Variants in CACNA1B observed in about 807,000 individuals in gnomAD.
The protein encoded by CACNA1B is calcium voltage-gated channel subunit alpha1 B.
CACNA1B carries 70 observed loss-of-function variants against 247.2 expected under a neutral mutation model. The ratio of observed to expected loss-of-function variants is 0.28; its 90% CI spans 0.23 to 0.35. The LOEUF is 0.35. CACNA1B is among the 10% of genes least tolerant of loss of function. The pLI, the probability that CACNA1B is intolerant of heterozygous loss-of-function variation, is 1.00. For missense variants in CACNA1B, 2,367 were observed against 3,197.4 expected (o/e 0.74, Z 6.26); for synonymous variants, 1,231 against 1,294.4 (o/e 0.95, Z 1.05).
At chr9:137,937,293 C>T (rs1305353811) in intron 6 of CACNA1B, among the ~76,000 whole-genome samples, 2 of 151,906 alleles carry the variant, frequency 1.3e-5, no homozygotes, top group Non-Finnish European at 1.5e-5. Flanking sequence ...GTAAAATGCT[C>T]TGGAAAGTCT....
At chr9:138,064,025 G>C (rs1047698236) in intron 31 of CACNA1B, among the ~76,000 whole-genome samples, 3 of 152,310 alleles carry the variant, frequency 2.0e-5, no homozygotes, top group African/African-American at 7.2e-5. Context: ...AGCTGTGCCT[G>C]GGCACACGAG....
At position 138,073,858 on chromosome 9, in the gene CACNA1B, TTGG is replaced by T; in HGVS notation, c.4792-139_4792-137del. On this transcript the variant is annotated intron_variant, in intron 33 of 46. Transcript: ENST00000371372. This position sits in a 1 kb window ranked among gnomAD's most constrained non-coding sequence, Gnocchi z 6.4. ...AGAGATAAAGAAACTGGGGCATCAC[TTGG>T]TGGAGGGGCTTGGTGGCCAGTGGGA... 1 of 697,216 alleles carries T rather than the reference TTGG, an allele frequency of 1.4e-6. No individual in the cohort carries two copies. Among genetic ancestry groups the T allele is most frequent in the Non-Finnish European group, 2.5e-6 (1 of 395,752 alleles). The allele number at this position is 697,216 out of a possible 1,614,324, so 43.2% of individuals were successfully genotyped here.
Position 138,121,563 on chromosome 9 carries a change from T to C in CACNA1B, c.6584T>C (p.Leu2195Pro). Reference protein sequence around the residue: ...GGRRQLPQTPLTPRPSITYKT... With the variant: ...GGRRQLPQTPPTPRPSITYKT... Reference sequence around the variant, plus strand: ...CGGAGGCAGCTCCCCCAGACGCCCCTGACTCCCCGCCCCAGCATCACCTAC... The same window carrying C: ...CGGAGGCAGCTCCCCCAGACGCCCCCGACTCCCCGCCCCAGCATCACCTAC... Residue 2195 changes from leucine (L) to proline (P), a missense_variant, in exon 47 of 47, where the codon CTG becomes CCG. Physicochemically the swap from Leu to Pro is moderately conservative, Grantham distance 98 (BLOSUM62 -3). Around this residue, in one of 12 missense-constraint regions of CACNA1B, gnomAD observed 773 missense variants for 779.4 expected, o/e 0.99. Transcript: ENST00000371372. This position sits in a 1 kb window ranked among gnomAD's most constrained non-coding sequence, Gnocchi z 6.8. 4 of 1,607,414 alleles carry C rather than the reference T, an allele frequency of 2.5e-6. No homozygotes were observed. The highest frequency in any genetic ancestry group is 3.4e-6 in the Non-Finnish European group (4 of 1,175,784).
At chr9:137,907,050 T>C (rs1369629073) in intron 3 of CACNA1B, among the ~76,000 whole-genome samples, 1 of 152,266 alleles carries the variant, frequency 6.6e-6, no homozygotes. Flanking sequence ...GTGTTTATCC[T>C]GCCAGGGCAC....
In CACNA1B at chr9:137,974,191, C is replaced by T. The variant is rs2133368762; in HGVS notation, c.1544-1716C>T. Among the ~76,000 whole-genome samples, 1 of 152,316 alleles carries T rather than the reference C, an allele frequency of 6.6e-6. No homozygotes were observed. Among genetic ancestry groups the T allele is most frequent in the East Asian group, 1.9e-4 (1 of 5,168 alleles). On this transcript the variant is annotated intron_variant, in intron 11 of 46. Coordinates refer to ENST00000371372, the MANE Select transcript of CACNA1B (RefSeq NM_000718.4). This position sits in a 1 kb window ranked among gnomAD's most constrained non-coding sequence, Gnocchi z 4.5. ...ACGGCTTTCCTGCCACATCTCACACCTGGTGGTCTGCACAGCCAGGCCCAG... is the reference window on the plus strand; with the variant it reads ...ACGGCTTTCCTGCCACATCTCACACTTGGTGGTCTGCACAGCCAGGCCCAG...
intron 11 of CACNA1B, among the ~76,000 whole-genome samples, chr9:137,972,947 G>A (rs937794762): frequency 2.6e-5 from 4 of 152,274 alleles, no homozygotes; most frequent in Non-Finnish European, 5.9e-5. Context: ...ACTTTGCTTG[G>A]GCCTGAGTTC....
chr9:137,879,944 C>G (rs73585372), intron 2 of CACNA1B, among the ~76,000 whole-genome samples: 1 of 152,134 alleles, frequency 6.6e-6, no homozygotes, highest in Non-Finnish European at 1.5e-5. Context: ...TCCGAGTGTG[C>G]CTAAAGACTG....
intron 6 of CACNA1B, among the ~76,000 whole-genome samples, chr9:137,949,207 G>GCA (rs1416792675): frequency 3.4e-5 from 5 of 148,274 alleles, no homozygotes; most frequent in South Asian, 2.2e-4. Flanking sequence ...TGTGTGTCTG[G>GCA]TATGTGTGGT....
In CACNA1B at chr9:138,014,625, G is replaced by A. The variant is rs540112100; in HGVS notation, c.2267+1390G>A. ...TCCAGGGGTTTGCTACCAGGGCTCT[G>A]TGAGCTCTGCAGGTGGGTGGTCTGC... On this transcript the variant is annotated intron_variant, in intron 18 of 46. Transcript: ENST00000371372. The surrounding 1 kb of genome is among the most constrained non-coding windows in gnomAD (Gnocchi z 6.2). Among the ~76,000 whole-genome samples the A allele has an allele frequency of 3.9e-5, 6 of 152,214 alleles. No individual in the cohort carries two copies. The highest frequency in any genetic ancestry group is 7.3e-5 in the Non-Finnish European group (5 of 68,032).
intron 10 of CACNA1B, among the ~76,000 whole-genome samples, chr9:137,958,582 T>A (rs1957975876): frequency 6.6e-6 from 1 of 152,212 alleles, no homozygotes; most frequent in South Asian, 2.1e-4. Context: ...CTGATGGCCA[T>A]TTATTTCTAG....
chr9:137,895,625 T>G lies in CACNA1B; in HGVS notation c.530+12742T>G, dbSNP rs1957164007. 2.0e-5 allele frequency among the ~76,000 whole-genome samples: 3 copies of G among 152,238 alleles called. No homozygotes were observed. In the South Asian group the frequency reaches 6.2e-4, roughly 31 times the overall value. ...TGTGATTATAGATGGTATTGCATTTTAAATTTTGGTATCTGTATGTCCATT... is the reference window on the plus strand; with the variant it reads ...TGTGATTATAGATGGTATTGCATTTGAAATTTTGGTATCTGTATGTCCATT... On this transcript the variant is annotated intron_variant, in intron 3 of 46. Transcript: ENST00000371372.
At chr9:138,079,071 GT>G (rs909420583) in intron 36 of CACNA1B, among the ~76,000 whole-genome samples, 8 of 152,186 alleles carry the variant, frequency 5.3e-5, no homozygotes, top group African/African-American at 1.7e-4. Context: ...CTGGATCCCT[GT>G]TAATGCGAAG....
intron 15 of CACNA1B, among the ~76,000 whole-genome samples, chr9:137,989,605 G>A (rs1370883652): frequency 1.3e-5 from 2 of 152,142 alleles, no homozygotes; most frequent in African/African-American, 4.8e-5. Context: ...GATGGCCAAC[G>A]TCTTAGGAGC....
intron 36 of CACNA1B, among the ~76,000 whole-genome samples, chr9:138,082,197 G>A (rs1460381057): frequency 1.3e-5 from 2 of 151,356 alleles, no homozygotes; most frequent in Non-Finnish European, 2.9e-5. Flanking sequence ...TCAACAGAAT[G>A]AAAAGGCAAC....
intron 13 of CACNA1B, among the ~76,000 whole-genome samples, chr9:137,985,190 C>T (rs1024253388): frequency 1.3e-5 from 2 of 152,224 alleles, no homozygotes; most frequent in Non-Finnish European, 2.9e-5. Flanking sequence ...AACTGAAATC[C>T]CAGGTCTTTT....
intron 6 of CACNA1B, among the ~76,000 whole-genome samples, chr9:137,945,777 A>G (rs1187180040): frequency 6.6e-6 from 1 of 152,214 alleles, no homozygotes; most frequent in Non-Finnish European, 1.5e-5. Flanking sequence ...TACCCAGATC[A>G]TCTACGACAT....
Position 137,946,602 on chromosome 9 carries a change from GA to G in CACNA1B, c.967-5659del, listed in dbSNP as rs377113014. Reference sequence around the variant, plus strand: ...TAGGAAATGACTGCTGAAAAACTGAGAAAAAAAAAAAAAGGGAAAGGACTCA... The same window carrying G: ...TAGGAAATGACTGCTGAAAAACTGAGAAAAAAAAAAAAGGGAAAGGACTCA... On this transcript the variant is annotated intron_variant, in intron 6 of 46. Coordinates refer to ENST00000371372, the MANE Select transcript of CACNA1B (RefSeq NM_000718.4). Among the ~76,000 whole-genome samples, 337 of 135,460 alleles carry G rather than the reference GA, an allele frequency of 2.5e-3. 3 individuals carry two copies. Among genetic ancestry groups the G allele is most frequent in the African/African-American group, 5.2e-3 (194 of 37,246 alleles). 88.9% of individuals were successfully genotyped at this position (135,460 alleles called of 152,430 possible).
intron 6 of CACNA1B, among the ~76,000 whole-genome samples, chr9:137,946,832 T>C (rs1276708930): frequency 6.6e-6 from 1 of 152,060 alleles, no homozygotes; most frequent in Non-Finnish European, 1.5e-5. Flanking sequence ...AGAAGAAAAA[T>C]AACTCCCAAA....
chr9:138,017,122 G>GT (rs1175281921), intron 18 of CACNA1B: 1 of 518,960 alleles, frequency 1.9e-6, no homozygotes, highest in Admixed American at 1.9e-5. Context: ...TGTCTGTTCT[G>GT]TTTTTTGCAT....
Sources: gnomAD v4.1 joint callset for allele counts (sites outside exome capture counted in the v4.1 genomes callset) on GRCh38, gnomAD v4.1.1 for gene constraint, gnomAD v4.1.1 regional missense constraint, Gnocchi (gnomAD v3.1) non-coding constraint, MANE v1.5 for transcripts, NCBI Gene and HGNC (gene_info 2026-07-23, HGNC 2026-07-21) for gene names.